The following PCSK2 variants were observed in gnomAD, a reference collection of about 807,000 sequenced individuals.
PCSK2 encodes neuroendocrine convertase 2.
PCSK2 carries 14 observed loss-of-function variants against 69.7 expected under a neutral mutation model. The ratio of observed to expected loss-of-function variants is 0.20; its 90% CI spans 0.13 to 0.31. The LOEUF is 0.31. Among genes scored for constraint, PCSK2 ranks in the 10% least tolerant of loss-of-function variants. The pLI is 1.00. For missense variants in PCSK2, 544 were observed against 842.5 expected (o/e 0.65, Z 4.39); for synonymous variants, 307 against 320.7 (o/e 0.96, Z 0.46).
At chr20:17,423,474 T>C (rs777403257) in intron 6 of PCSK2, among the ~76,000 whole-genome samples, 2 of 152,126 alleles carry the variant, frequency 1.3e-5, no homozygotes, top group African/African-American at 2.4e-5. Context: ...TTCAGACCTT[T>C]AAAAGGTGCT....
At chr20:17,256,604 A>AC (rs1250267576) in intron 1 of PCSK2, among the ~76,000 whole-genome samples, 2 of 145,628 alleles carry the variant, frequency 1.4e-5, no homozygotes, top group Non-Finnish European at 3.0e-5. Flanking sequence ...GTTTTCCTGC[A>AC]CCCCCACCCC....
chr20:17,372,423 AT>A (rs2030797705), intron 5 of PCSK2, among the ~76,000 whole-genome samples: 3 of 148,642 alleles, frequency 2.0e-5, no homozygotes, highest in Non-Finnish European at 3.0e-5. Flanking sequence ...AAATAAATAA[AT>A]AAATAAAAAT....
intron 8 of PCSK2, among the ~76,000 whole-genome samples, chr20:17,451,446 G>A (rs1399242224): frequency 6.6e-6 from 1 of 152,158 alleles, no homozygotes; most frequent in East Asian, 1.9e-4. Context: ...CTGTCAGCAG[G>A]GGCAGTGAAT....
Position 17,481,572 on chromosome 20 carries a change from C to T in PCSK2, c.1431-12C>T. ...CACTGCTTATCCTATCTCCTCTTCA[C>T]TCTGCCCTCAGGAAAATACCATCCA... On this transcript the variant is annotated splice_polypyrimidine_tract_variant and intron_variant, in intron 11 of 11. Transcript: ENST00000262545. 6.2e-7 allele frequency: 1 copy of T among 1,611,708 alleles called. No individual in the cohort carries two copies. Among genetic ancestry groups the T allele is most frequent in the Non-Finnish European group, 8.5e-7 (1 of 1,178,634 alleles).
At chr20:17,388,557 A>G (rs892035363) in intron 5 of PCSK2, among the ~76,000 whole-genome samples, 5 of 152,116 alleles carry the variant, frequency 3.3e-5, no homozygotes, top group African/African-American at 1.2e-4. Flanking sequence ...TGCAAAACAT[A>G]TATCTCTAAA....
chr20:17,408,180 T>C (rs575607245), intron 5 of PCSK2, among the ~76,000 whole-genome samples: 16 of 152,040 alleles, frequency 1.1e-4, no homozygotes, highest in South Asian at 2.1e-4. Flanking sequence ...CAGTGTATAC[T>C]GTGAACCAAG....
intron 6 of PCSK2, among the ~76,000 whole-genome samples, chr20:17,413,603 T>A (rs2031928623): frequency 6.6e-6 from 1 of 152,198 alleles, no homozygotes; most frequent in Non-Finnish European, 1.5e-5. Context: ...AACACCCCAC[T>A]GTCAATATTA....
chr20:17,320,263 A>T (rs1989823136), intron 2 of PCSK2, among the ~76,000 whole-genome samples: 1 of 152,192 alleles, frequency 6.6e-6, no homozygotes, highest in South Asian at 2.1e-4. Context: ...CAGAAATCAT[A>T]TAGAACTCAT....
chr20:17,375,936 A>T (rs1453132504), intron 5 of PCSK2, among the ~76,000 whole-genome samples: 1 of 152,128 alleles, frequency 6.6e-6, no homozygotes. Flanking sequence ...CTACCCCTTG[A>T]CTTTGGATTG....
At chr20:17,374,059 G>T (rs1367765215) in intron 5 of PCSK2, among the ~76,000 whole-genome samples, 1 of 152,186 alleles carries the variant, frequency 6.6e-6, no homozygotes, top group Non-Finnish European at 1.5e-5. Context: ...TTTAGACCAG[G>T]TTAAAATTAT....
chr20:17,379,545 C>A (rs963232367), intron 5 of PCSK2, among the ~76,000 whole-genome samples: 1 of 152,176 alleles, frequency 6.6e-6, no homozygotes, highest in Non-Finnish European at 1.5e-5. Flanking sequence ...TTGGCTAGAG[C>A]CCCATTCTTA....
Position 17,436,878 on chromosome 20 carries a change from A to T in PCSK2, c.880A>T (p.Asn294Tyr). 1 of 1,609,792 alleles carries T rather than the reference A, an allele frequency of 6.2e-7. No homozygotes were observed. Among genetic ancestry groups the T allele is most frequent in the Non-Finnish European group, 8.5e-7 (1 of 1,178,278 alleles). The change falls in exon 8 of 12, where the codon AAC (asparagine) becomes TAC (tyrosine). Residue 294 changes from asparagine (N) to tyrosine (Y), a missense_variant. Physicochemically the swap from Asn to Tyr is moderately radical, Grantham distance 143. Transcript: ENST00000262545. ...LTLQAMADGV[N>Y]KGRGGKGSIY... ...GCTGCAGGCCATGGCCGATGGCGTG[A>T]ACAAGGTAAGGGGGCCGGCCCCCTA...
intron 2 of PCSK2, among the ~76,000 whole-genome samples, chr20:17,341,910 A>G (rs1026809078): frequency 6.6e-6 from 1 of 152,214 alleles, no homozygotes; most frequent in Non-Finnish European, 1.5e-5. Flanking sequence ...TCACATGTGC[A>G]ATATGCATTT....
chr20:17,311,189 C>A (rs1426922982), intron 2 of PCSK2, among the ~76,000 whole-genome samples: 2 of 151,980 alleles, frequency 1.3e-5, no homozygotes, highest in African/African-American at 2.4e-5. Flanking sequence ...GATAATGAAA[C>A]CTTCTGCTTA....
intron 6 of PCSK2, among the ~76,000 whole-genome samples, chr20:17,421,903 A>C (rs138892009): frequency 0.01 from 1,591 of 152,092 alleles, 32 homozygotes; most frequent in African/African-American, 0.036. Flanking sequence ...CCTGAAAAAA[A>C]TACACCTAAA....
chr20:17,368,023 C>T (rs1390374765), intron 4 of PCSK2, among the ~76,000 whole-genome samples: 3 of 152,000 alleles, frequency 2.0e-5, no homozygotes, highest in Admixed American at 1.3e-4. Flanking sequence ...ACCTAACACA[C>T]GTACCGTAGA....
At chr20:17,255,529 G>A (rs1987143762) in intron 1 of PCSK2, among the ~76,000 whole-genome samples, 1 of 152,108 alleles carries the variant, frequency 6.6e-6, no homozygotes, top group Non-Finnish European at 1.5e-5. Flanking sequence ...TTTTAGTAGA[G>A]ACGAGGTTTC....
chr20:17,342,320 G>C (rs1374434269), intron 2 of PCSK2, among the ~76,000 whole-genome samples: 1 of 152,120 alleles, frequency 6.6e-6, no homozygotes, highest in African/African-American at 2.4e-5. Context: ...TTGTTTCTTT[G>C]CTTGTTTGTT....
chr20:17,479,353 C>A, intron 11 of PCSK2: 1 of 725,142 alleles, frequency 1.4e-6, no homozygotes, highest in Admixed American at 2.0e-5. Context: ...AAAACCCCGT[C>A]TGCACATTCT....
Sources: gnomAD v4.1 joint callset for allele counts (sites outside exome capture counted in the v4.1 genomes callset) on GRCh38, gnomAD v4.1.1 for gene constraint, MANE v1.5 for transcripts, NCBI Gene and HGNC (gene_info 2026-07-23, HGNC 2026-07-21) for gene names.